The following HS3ST4 variants were observed in gnomAD, a reference collection of about 807,000 sequenced individuals.
The protein encoded by HS3ST4 is heparan sulfate glucosamine 3-O-sulfotransferase 4.
Under a neutral mutation model 29.2 loss-of-function variants are expected in HS3ST4, and 17 were observed. The observed-to-expected ratio is 0.58, with a 90% CI of 0.40 to 0.87. The LOEUF is 0.87. HS3ST4 is among the 40% of genes least tolerant of loss of function. The probability of loss-of-function intolerance (pLI) is 0.00; values close to 1 mark genes in which losing one functional copy is unlikely to be tolerated. For missense variants in HS3ST4, 627 were observed against 634.5 expected (o/e 0.99, Z 0.13); for synonymous variants, 314 against 285.7 (o/e 1.10, Z -1.00).
intron 1 of HS3ST4, among the ~76,000 whole-genome samples, chr16:25,782,110 G>A (rs1966853189): frequency 6.6e-6 from 1 of 152,122 alleles, no homozygotes; most frequent in South Asian, 2.1e-4. Flanking sequence ...AAGGCGGCAG[G>A]AAGGAGAAGT....
intron 1 of HS3ST4, among the ~76,000 whole-genome samples, chr16:26,024,302 G>A (rs973722201): frequency 2.6e-5 from 4 of 151,684 alleles, no homozygotes; most frequent in African/African-American, 7.3e-5. Flanking sequence ...GTCAGTAAGT[G>A]AGATCTCTGC....
intron 1 of HS3ST4, among the ~76,000 whole-genome samples, chr16:26,061,662 G>A (rs1266426482): frequency 2.6e-5 from 4 of 152,184 alleles, no homozygotes; most frequent in Non-Finnish European, 5.9e-5. Flanking sequence ...TCAGGAATAG[G>A]AAAAGGATAA....
chr16:25,971,056 G>A lies in HS3ST4; in HGVS notation c.735-164556G>A, dbSNP rs139942268. Among the ~76,000 whole-genome samples, 1,219 of 152,018 alleles carry A rather than the reference G, an allele frequency of 8.0e-3. 15 individuals carry two copies. Among genetic ancestry groups the A allele is most frequent in the Non-Finnish European group, 0.011 (774 of 67,948 alleles). On this transcript the variant is annotated intron_variant, in intron 1 of 1. Transcript: ENST00000331351. ...AGTAGAGACGGGGTTTCACCATGTTGGCCAGGCTGGTCTTGAACTCCTGAC... is the reference window on the plus strand; with the variant it reads ...AGTAGAGACGGGGTTTCACCATGTTAGCCAGGCTGGTCTTGAACTCCTGAC...
chr16:25,960,835 T>A (rs1296694753), intron 1 of HS3ST4, among the ~76,000 whole-genome samples: 1 of 152,230 alleles, frequency 6.6e-6, no homozygotes, highest in Non-Finnish European at 1.5e-5. Flanking sequence ...CCTCTTTATG[T>A]GCTCTTGAAG....
chr16:25,883,019 C>A (rs1396575660), intron 1 of HS3ST4, among the ~76,000 whole-genome samples: 1 of 152,086 alleles, frequency 6.6e-6, no homozygotes, highest in Non-Finnish European at 1.5e-5. Context: ...AAAAGAAGCT[C>A]CCCTTTACCC....
intron 1 of HS3ST4, among the ~76,000 whole-genome samples, chr16:25,761,741 C>G (rs1966789787): frequency 6.6e-6 from 1 of 152,208 alleles, no homozygotes; most frequent in Non-Finnish European, 1.5e-5. Flanking sequence ...GCTCTGACAC[C>G]TCTATTGTGC....
chr16:25,764,788 A>G (rs958701048), intron 1 of HS3ST4, among the ~76,000 whole-genome samples: 3 of 152,250 alleles, frequency 2.0e-5, no homozygotes, highest in African/African-American at 4.8e-5. Context: ...ACCCTGCCAT[A>G]TGGGCCACTT....
intron 1 of HS3ST4, among the ~76,000 whole-genome samples, chr16:26,063,600 G>A (rs1567304594): frequency 6.6e-6 from 1 of 152,124 alleles, no homozygotes; most frequent in Non-Finnish European, 1.5e-5. Flanking sequence ...GGGAGGTTCA[G>A]TGGGAGGAGT....
At chr16:25,728,691 G>C (rs1966552653) in intron 1 of HS3ST4, among the ~76,000 whole-genome samples, 1 of 152,186 alleles carries the variant, frequency 6.6e-6, no homozygotes, top group African/African-American at 2.4e-5. Context: ...CGGTGGGATA[G>C]TGGCAACGAT....
intron 1 of HS3ST4, among the ~76,000 whole-genome samples, chr16:26,125,752 G>A (rs932082008): frequency 3.9e-5 from 6 of 152,096 alleles, no homozygotes; most frequent in South Asian, 2.1e-4. Flanking sequence ...TTCGCTCATC[G>A]CCTGGCTGGG....
chr16:25,865,334 A>G (rs1555469594), intron 1 of HS3ST4, among the ~76,000 whole-genome samples: 3 of 152,098 alleles, frequency 2.0e-5, no homozygotes, highest in Non-Finnish European at 1.5e-5. Flanking sequence ...CTTTTTGGTA[A>G]TAGTAGCCAC....
At position 25,715,574 on chromosome 16, in the gene HS3ST4, G is replaced by A. The variant is rs562653716; in HGVS notation, c.734+22423G>A. Among the ~76,000 whole-genome samples, 17 of 152,316 alleles carry A rather than the reference G, an allele frequency of 1.1e-4. No individual in the cohort carries two copies. The South Asian group carries it at 3.5e-3, about 32-fold the overall frequency. On this transcript the variant is annotated intron_variant, in intron 1 of 1. Transcript: ENST00000331351. ...CTCTTCTGCATGAAAGGGAAAAAAA[G>A]CAAATACTTCTCTTCTCTCTTTGAA...
At chr16:25,869,355 G>A (rs1967726343) in intron 1 of HS3ST4, among the ~76,000 whole-genome samples, 1 of 152,152 alleles carries the variant, frequency 6.6e-6, no homozygotes, top group Non-Finnish European at 1.5e-5. Flanking sequence ...GAGTGGGAAT[G>A]GTCAAAGAGG....
At chr16:25,817,549 C>T (rs1967105821) in intron 1 of HS3ST4, among the ~76,000 whole-genome samples, 1 of 152,154 alleles carries the variant, frequency 6.6e-6, no homozygotes, top group African/African-American at 2.4e-5. Flanking sequence ...ATACTTGACT[C>T]ACGGCTGTAC....
chr16:25,891,410 AG>A (rs1464526220), intron 1 of HS3ST4, among the ~76,000 whole-genome samples: 3 of 152,102 alleles, frequency 2.0e-5, no homozygotes, highest in African/African-American at 7.2e-5. Flanking sequence ...GCAAACTTAA[AG>A]GCTAGGGGTA....
chr16:25,816,431 C>T (rs1348923919), intron 1 of HS3ST4, among the ~76,000 whole-genome samples: 1 of 152,208 alleles, frequency 6.6e-6, no homozygotes, highest in African/African-American at 2.4e-5. Context: ...GTCTTAGGTG[C>T]ACCACATCAT....
chr16:25,932,363 C>T (rs1391258476), intron 1 of HS3ST4, among the ~76,000 whole-genome samples: 1 of 152,154 alleles, frequency 6.6e-6, no homozygotes, highest in African/African-American at 2.4e-5. Context: ...TCTCTATCCC[C>T]ACAAATTGCA....
chr16:25,909,424 C>T (rs56693584), intron 1 of HS3ST4, among the ~76,000 whole-genome samples: 9,756 of 152,106 alleles, frequency 0.064, 643 homozygotes, highest in Admixed American at 0.19. Flanking sequence ...CCTGGACATG[C>T]CCCAGGCCTT....
At chr16:26,090,480 C>A (rs8057750) in intron 1 of HS3ST4, among the ~76,000 whole-genome samples, 81,615 of 151,258 alleles carry the variant, frequency 0.54, 22,780 homozygotes, top group African/African-American at 0.67. Context: ...TTTATTCCTG[C>A]AGAGGGGCAT....
Sources: gnomAD v4.1 joint callset for allele counts (sites outside exome capture counted in the v4.1 genomes callset) on GRCh38, gnomAD v4.1.1 for gene constraint, MANE v1.5 for transcripts, NCBI Gene and HGNC (gene_info 2026-07-23, HGNC 2026-07-21) for gene names.